GSTO1: variants seen among roughly 807,000 people sequenced by gnomAD.
The protein encoded by GSTO1 is glutathione S-transferase omega-1.
In GSTO1, 27 loss-of-function variants were observed where a neutral mutation model predicts 23.8. The ratio of observed to expected loss-of-function variants is 1.13; its 90% CI spans 0.83 to 1.56. The LOEUF is 1.56. GSTO1 is among the 40% of genes most tolerant of loss of function. The probability of loss-of-function intolerance (pLI) is 0.00; values close to 1 mark genes in which losing one functional copy is unlikely to be tolerated. For missense variants in GSTO1, 255 were observed against 285.8 expected (o/e 0.89, Z 0.78); for synonymous variants, 105 against 109.3 (o/e 0.96, Z 0.25).
At chr10:104,266,757 G>A (rs1392150341) in intron 5 of GSTO1, among the ~76,000 whole-genome samples, 4 of 151,850 alleles carry the variant, frequency 2.6e-5, no homozygotes, top group Non-Finnish European at 1.5e-5. Context: ...ATTCCATAAG[G>A]TTGTAAATTT....
chr10:104,259,452 G>T (rs1045755302), intron 2 of GSTO1, 124 bp from the exon 3 acceptor site: 1 of 618,032 alleles, frequency 1.6e-6, no homozygotes, highest in African/African-American at 1.9e-5. Flanking sequence ...TAGAATGGAA[G>T]GAATCTAGGC....
chr10:104,262,359 T>C (rs1300213349), intron 3 of GSTO1, among the ~76,000 whole-genome samples: 1 of 152,186 alleles, frequency 6.6e-6, no homozygotes, highest in African/African-American at 2.4e-5. Context: ...CTGTCTTAAT[T>C]CCAAGCCTGT....
At chr10:104,264,871 T>C (rs1392443205) in intron 4 of GSTO1, among the ~76,000 whole-genome samples, 1 of 152,226 alleles carries the variant, frequency 6.6e-6, no homozygotes, top group Non-Finnish European at 1.5e-5. Context: ...ATATAATTTA[T>C]CGAATACCTG....
chr10:104,267,114 C>T, intron 5 of GSTO1, 138 bp from the exon 6 acceptor site: 1 of 546,776 alleles, frequency 1.8e-6, no homozygotes, highest in Non-Finnish European at 3.2e-6. Flanking sequence ...TATTCTATTA[C>T]AGGCATTTTT....
chr10:104,255,159 G>C lies in GSTO1; in HGVS notation c.35-4G>C. ...CCGTAATCGCCTTCGCTTCTCCCCG[G>C]CAGGAAGCGCGCCCCCGGGGCCGGT... On this transcript the variant is annotated splice_polypyrimidine_tract_variant and splice_region_variant and intron_variant, in intron 1 of 5. Coordinates refer to ENST00000369713, the MANE Select transcript of GSTO1 (RefSeq NM_004832.3). 1 of 1,609,712 alleles carries C rather than the reference G, an allele frequency of 6.2e-7. No individual in the cohort carries two copies. Among genetic ancestry groups the C allele is most frequent in the Non-Finnish European group, 8.5e-7 (1 of 1,176,296 alleles).
upstream of GSTO1, chr10:104,254,891 T>G: frequency 6.2e-7 from 1 of 1,606,106 alleles, no homozygotes; most frequent in South Asian, 1.1e-5. Flanking sequence ...CTGAATCCCC[T>G]GCAAACCCCA....
upstream of GSTO1, chr10:104,254,874 C>T (rs2091593562): frequency 1.3e-6 from 2 of 1,567,480 alleles, no homozygotes; most frequent in African/African-American, 1.3e-5. Context: ...GACGCGCCAC[C>T]TACTTCCTGA....
chr10:104,257,685 A>C (rs1448855122), intron 2 of GSTO1, among the ~76,000 whole-genome samples: 2 of 152,192 alleles, frequency 1.3e-5, no homozygotes, highest in African/African-American at 2.4e-5. Context: ...CATAAAAACC[A>C]AGAAACTTTT....
At chr10:104,255,020 G>C in intron 1 of GSTO1, 58 bp downstream of exon 1, 2 of 1,547,642 alleles carry the variant, frequency 1.3e-6, no homozygotes, top group Non-Finnish European at 1.8e-6. Context: ...CGGCATGTTC[G>C]AGGCTGCTCC....
chr10:104,267,335 AGAAAGACT>A lies in GSTO1; in HGVS notation c.658_665del (p.Lys220AlafsTer13), dbSNP rs2011205724. 6.2e-7 allele frequency: 1 copy of A among 1,613,586 alleles called. No individual in the cohort carries two copies. Among genetic ancestry groups the A allele is most frequent in the African/African-American group, 1.3e-5 (1 of 74,930 alleles). Reference sequence around the variant, plus strand: ...ACAGTCTCAGCCCTGCTTACTAGTGAGAAAGACTGGCAAGGTTTCCTAGAGCTCTACTT... The same window carrying A: ...ACAGTCTCAGCCCTGCTTACTAGTGAGGCAAGGTTTCCTAGAGCTCTACTT... On this transcript the variant is annotated frameshift_variant, in exon 6 of 6. Coordinates refer to ENST00000369713, the MANE Select transcript of GSTO1 (RefSeq NM_004832.3). LOFTEE classifies it low-confidence loss of function (END_TRUNC).
At chr10:104,255,731 T>C (rs1230049156) in intron 2 of GSTO1, among the ~76,000 whole-genome samples, 1 of 152,206 alleles carries the variant, frequency 6.6e-6, no homozygotes, top group Admixed American at 6.5e-5. Context: ...GTTTAGACCC[T>C]GACCCTCCTA....
rs759065987 is a variant in GSTO1 at position 104,267,447 on chromosome 10, C to T, written c.*42C>T. ...CAATAAAGCTATGTCTGATATTTTC[C>T]TTCACTAATATGAATAATAGCATGC... On this transcript the variant is annotated 3_prime_UTR_variant, in exon 6 of 6. Coordinates refer to ENST00000369713, the MANE Select transcript of GSTO1 (RefSeq NM_004832.3). The T allele has an allele frequency of 2.0e-6, 3 of 1,470,034 alleles. No individual in the cohort carries two copies. Among genetic ancestry groups the T allele is most frequent in the Non-Finnish European group, 2.8e-6 (3 of 1,085,470 alleles). The allele number at this position is 1,470,034 out of a possible 1,614,324, so 91.1% of individuals were successfully genotyped here.
At chr10:104,266,454 G>A (rs1370701581) in intron 5 of GSTO1, among the ~76,000 whole-genome samples, 1 of 152,174 alleles carries the variant, frequency 6.6e-6, no homozygotes, top group Non-Finnish European at 1.5e-5. Context: ...AACCCATAAG[G>A]GGAAGGATAT....
At chr10:104,263,922 T>C (rs1449872406) in intron 4 of GSTO1, among the ~76,000 whole-genome samples, 1 of 151,742 alleles carries the variant, frequency 6.6e-6, no homozygotes, top group African/African-American at 2.4e-5. Context: ...CAAATTTTTT[T>C]TTTTTTAATG....
chr10:104,266,748 T>A (rs1461087519), intron 5 of GSTO1, among the ~76,000 whole-genome samples: 1 of 149,752 alleles, frequency 6.7e-6, no homozygotes, highest in African/African-American at 2.5e-5. Flanking sequence ...AAAAAAAAAA[T>A]TCCATAAGGT....
At position 104,266,171 on chromosome 10, in the gene GSTO1, G is replaced by A; in HGVS notation, c.553G>A (p.Glu185Lys). 1 of 1,588,986 alleles carries A rather than the reference G, an allele frequency of 6.3e-7. No individual in the cohort carries two copies. Among genetic ancestry groups the A allele is most frequent in the East Asian group, 2.2e-5 (1 of 44,732 alleles). Residue 185 changes from glutamate to lysine, a missense_variant, in exon 5 of 6, where the codon GAA (glutamate) becomes AAA (lysine). By Grantham distance (56) the Glu-to-Lys change is moderately conservative (BLOSUM62 1). Coordinates refer to ENST00000369713, the MANE Select transcript of GSTO1 (RefSeq NM_004832.3). ...CATCTGGCCCTGGTTTGAACGGCTGGAAGCAATGAAGTTAAATGAGTAAGA... is the reference window on the plus strand; with the variant it reads ...CATCTGGCCCTGGTTTGAACGGCTGAAAGCAATGAAGTTAAATGAGTAAGA... ...YLIWPWFERL[E>K]AMKLNECVDH...
At chr10:104,263,224 C>T (rs1209141664) in intron 4 of GSTO1, 147 bp downstream of exon 4, 5 of 511,610 alleles carry the variant, frequency 9.8e-6, no homozygotes, top group Non-Finnish European at 1.4e-5. Context: ...TTACAGCAGA[C>T]TGCTGTTATA....
chr10:104,267,083 T>C (rs1464796628), intron 5 of GSTO1, among the ~76,000 whole-genome samples, 169 bp from the exon 6 acceptor site: 1 of 152,234 alleles, frequency 6.6e-6, no homozygotes, highest in African/African-American at 2.4e-5. Flanking sequence ...AAGGGACCTC[T>C]ATAGTGTCTT....
At chr10:104,259,820 GCTC>G in intron 3 of GSTO1, 22 bp downstream of exon 3, 1 of 1,503,788 alleles carries the variant, frequency 6.6e-7, no homozygotes, top group Non-Finnish European at 9.2e-7. Flanking sequence ...AGAAATTTCA[GCTC>G]CTATTTGAAA....
Sources: allele counts gnomAD v4.1 joint callset (sites outside exome capture counted in the v4.1 genomes callset), GRCh38; gene constraint gnomAD v4.1.1; transcripts MANE v1.5; gene names NCBI Gene and HGNC (gene_info 2026-07-23, HGNC 2026-07-21).